Variants in KBTBD12 observed in about 807,000 individuals in gnomAD.
KBTBD12 encodes kelch repeat and BTB domain containing 12.
KBTBD12 carries 53 observed loss-of-function variants against 58.7 expected under a neutral mutation model. The observed-to-expected ratio is 0.90, with a 90% CI of 0.72 to 1.14. The LOEUF is 1.14. Ranked by LOEUF, KBTBD12 falls within the 50% of genes most tolerant of loss-of-function variation. The pLI is 0.00. For synonymous variants in KBTBD12, 236 were observed against 259.8 expected (o/e 0.91, Z 0.88); for missense variants, 704 against 751.3 (o/e 0.94, Z 0.74).
At chr3:127,928,648 G>A (rs756687616) in intron 3 of KBTBD12, among the ~76,000 whole-genome samples, 9 of 152,176 alleles carry the variant, frequency 5.9e-5, no homozygotes, top group East Asian at 3.9e-4. Context: ...CCTCCCCTCC[G>A]GATGTCCTCT....
intron 5 of KBTBD12, among the ~76,000 whole-genome samples, chr3:127,978,864 C>A (rs1285701287): frequency 6.6e-6 from 1 of 152,156 alleles, no homozygotes; most frequent in Admixed American, 6.5e-5. Flanking sequence ...AGCCAGAAGG[C>A]CAGGAAGGGG....
intron 5 of KBTBD12, among the ~76,000 whole-genome samples, chr3:127,964,176 T>C (rs1460865700): frequency 6.6e-6 from 1 of 152,166 alleles, no homozygotes; most frequent in Non-Finnish European, 1.5e-5. Context: ...ACTTGAATTA[T>C]ATTCTCACTA....
intron 4 of KBTBD12, among the ~76,000 whole-genome samples, chr3:127,962,773 G>A (rs1940471723): frequency 6.6e-6 from 1 of 152,170 alleles, no homozygotes; most frequent in Non-Finnish European, 1.5e-5. Context: ...GATAAGGGAT[G>A]GGAAGAACAC....
chr3:127,953,554 T>C (rs769598334), intron 4 of KBTBD12, among the ~76,000 whole-genome samples: 1 of 152,244 alleles, frequency 6.6e-6, no homozygotes, highest in Non-Finnish European at 1.5e-5. Context: ...AGGTTTGCTT[T>C]GAGTTGTAAA....
At chr3:127,978,646 T>A (rs1246045200) in intron 5 of KBTBD12, among the ~76,000 whole-genome samples, 1 of 152,160 alleles carries the variant, frequency 6.6e-6, no homozygotes, top group African/African-American at 2.4e-5. Context: ...CCCCACCCCC[T>A]TCCCAAGCTC....
Position 127,957,740 on chromosome 3 carries a change from A to C in KBTBD12, c.1493-5449A>C, listed in dbSNP as rs537460894. ...CATTCTGTTCAGTGTTTGTGTCTTC[A>C]CTGTCCGTACCCAGTGTAGAAAGTG... is the stretch of plus-strand genomic sequence containing the variant. On this transcript the variant is annotated intron_variant, in intron 4 of 5. Transcript: ENST00000405109. Among the ~76,000 whole-genome samples, 6 of 152,316 alleles carry C rather than the reference A, an allele frequency of 3.9e-5. No homozygotes were observed. In the South Asian group the frequency reaches 1.2e-3, roughly 32 times the overall value.
At chr3:127,972,533 C>T (rs967656246) in intron 5 of KBTBD12, among the ~76,000 whole-genome samples, 1 of 152,142 alleles carries the variant, frequency 6.6e-6, no homozygotes, top group African/African-American at 2.4e-5. Context: ...TTGGTTCCAG[C>T]CCTAACAGAG....
At chr3:127,943,205 A>G (rs2107599888) in intron 4 of KBTBD12, among the ~76,000 whole-genome samples, 1 of 152,308 alleles carries the variant, frequency 6.6e-6, no homozygotes, top group East Asian at 1.9e-4. Context: ...GTGTGTATAC[A>G]CAGAAGAGGG....
At chr3:127,958,344 C>T (rs928021869) in intron 4 of KBTBD12, among the ~76,000 whole-genome samples, 4 of 152,162 alleles carry the variant, frequency 2.6e-5, no homozygotes, top group African/African-American at 9.7e-5. Flanking sequence ...TCACTCCCAC[C>T]CACCACGTCC....
At position 127,945,016 on chromosome 3, in the gene KBTBD12, G is replaced by A. The variant is rs1246794333; in HGVS notation, c.1492+14733G>A. On this transcript the variant is annotated intron_variant, in intron 4 of 5. Coordinates refer to ENST00000405109, the MANE Select transcript of KBTBD12 (RefSeq NM_207335.4). ...CCACCTCAGCCTCCTAAGTAGCTGG[G>A]ACCACAGACTCATGCCAACCCACCC... Among the ~76,000 whole-genome samples, 5 of 151,562 alleles carry A rather than the reference G, an allele frequency of 3.3e-5. No individual in the cohort carries two copies. In the East Asian group the frequency reaches 9.7e-4, roughly 29 times the overall value.
At chr3:127,979,536 C>A (rs77172625) in intron 5 of KBTBD12, among the ~76,000 whole-genome samples, 2,414 of 152,316 alleles carry the variant, frequency 0.016, 24 homozygotes, top group Non-Finnish European at 0.023. Flanking sequence ...CCACTTACAT[C>A]TATCTGAATT....
chr3:127,974,960 G>A (rs991035128), intron 5 of KBTBD12, among the ~76,000 whole-genome samples: 7 of 152,190 alleles, frequency 4.6e-5, no homozygotes, highest in Non-Finnish European at 8.8e-5. Context: ...GTGACAGAGC[G>A]AGACTCCGTC....
chr3:127,958,613 C>A (rs1394804147), intron 4 of KBTBD12, among the ~76,000 whole-genome samples: 2 of 152,176 alleles, frequency 1.3e-5, no homozygotes, highest in Non-Finnish European at 2.9e-5. Flanking sequence ...CCAGAACGTT[C>A]TATTAAACCA....
At chr3:127,976,085 G>A (rs1226843800) in intron 5 of KBTBD12, among the ~76,000 whole-genome samples, 1 of 152,104 alleles carries the variant, frequency 6.6e-6, no homozygotes, top group Non-Finnish European at 1.5e-5. Context: ...ACATAATTTT[G>A]TTCTGACCAT....
At position 127,975,197 on chromosome 3, in the gene KBTBD12, TGGGAG is replaced by T. The variant is rs1940761641; in HGVS notation, c.1691-8898_1691-8894del. Among the ~76,000 whole-genome samples the T allele has an allele frequency of 4.6e-5, 7 of 152,326 alleles. No individual in the cohort carries two copies. The South Asian group carries it at 1.5e-3, about 32-fold the overall frequency. ...GAGGGTCAGTCCCACTGAGAAATTC[TGGGAG>T]GCAGTGTAGAACACACCTCGCAGTT... On this transcript the variant is annotated intron_variant, in intron 5 of 5. Coordinates refer to ENST00000405109, the MANE Select transcript of KBTBD12 (RefSeq NM_207335.4).
intron 4 of KBTBD12, among the ~76,000 whole-genome samples, chr3:127,962,074 T>C (rs1474860402): frequency 2.0e-5 from 3 of 152,224 alleles, no homozygotes; most frequent in African/African-American, 7.2e-5. Flanking sequence ...GAAGGAGAGC[T>C]GGTTTACCTG....
Position 127,927,751 on chromosome 3 carries a change from C to T in KBTBD12, c.1071-13C>T. 1.4e-6 allele frequency: 2 copies of T among 1,467,980 alleles called. No individual in the cohort carries two copies. Among genetic ancestry groups the T allele is most frequent in the Non-Finnish European group, 9.1e-7 (1 of 1,104,868 alleles). 90.9% of individuals were successfully genotyped at this position (1,467,980 alleles called of 1,614,324 possible). ...TTACCTCTAATCCTGGATACTCTCT[C>T]TCTCTTTTGCAGGTATCATGATAGA... On this transcript the variant is annotated splice_polypyrimidine_tract_variant and intron_variant, in intron 2 of 5. Transcript: ENST00000405109.
intron 4 of KBTBD12, among the ~76,000 whole-genome samples, chr3:127,957,354 T>C (rs1308854999): frequency 3.3e-5 from 5 of 152,248 alleles, no homozygotes; most frequent in African/African-American, 1.2e-4. Flanking sequence ...GACCTTGCCT[T>C]CAAGGACTTA....
intron 4 of KBTBD12, among the ~76,000 whole-genome samples, chr3:127,945,202 T>C (rs1331540300): frequency 9.4e-6 from 1 of 106,110 alleles, no homozygotes; most frequent in African/African-American, 4.0e-5. Flanking sequence ...TTTTTTTTTT[T>C]GAGACGGAGT....
Sources: gnomAD v4.1 joint callset for allele counts (sites outside exome capture counted in the v4.1 genomes callset) on GRCh38, gnomAD v4.1.1 for gene constraint, MANE v1.5 for transcripts, NCBI Gene and HGNC (gene_info 2026-07-23, HGNC 2026-07-21) for gene names.